The following MEIOC variants were observed in gnomAD, a reference collection of about 807,000 sequenced individuals.
MEIOC encodes the protein meiosis specific with coiled-coil domain.
In MEIOC, 9 loss-of-function variants were observed where a neutral mutation model predicts 85.3. That is an observed-to-expected ratio of 0.11 (90% CI 0.06 to 0.18). The LOEUF (loss-of-function observed/expected upper bound fraction) is 0.18. MEIOC is among the 10% of genes least tolerant of loss of function. The pLI is 1.00. For missense variants in MEIOC, 898 were observed against 1,129.4 expected (o/e 0.80, Z 2.94); for synonymous variants, 365 against 393.7 (o/e 0.93, Z 0.86).
rs1408881206 is a variant in MEIOC at position 44,656,605 on chromosome 17, G to C, written c.-9G>C. The C allele has an allele frequency of 6.8e-7, 1 of 1,472,400 alleles. No homozygotes were observed. The highest frequency in any genetic ancestry group is 1.5e-5 in the African/African-American group (1 of 68,078). 91.2% of individuals were successfully genotyped at this position (1,472,400 alleles called of 1,614,324 possible). On this transcript the variant is annotated 5_prime_UTR_variant, in exon 1 of 8. Transcript: ENST00000409122. Reference sequence around the variant, plus strand: ...TGTGCCTAGTCCAGGAGAGGCTGGGGGGCGCCCCATGGAGGTGAGACGCGG... The same window carrying C: ...TGTGCCTAGTCCAGGAGAGGCTGGGCGGCGCCCCATGGAGGTGAGACGCGG...
Position 44,665,427 on chromosome 17 carries a change from T to C in MEIOC, c.403T>C (p.Tyr135His), listed in dbSNP as rs1189389600. ...TGACTATGGCAGTGAAACAGACTTA[T>C]ATGGACTTGTGTCTAACATTTTGGA... ...RNDYGSETDL[Y>H]GLVSNILEEQ... Residue 135 changes from tyrosine to histidine, a missense_variant, in exon 4 of 8, where the codon TAT becomes CAT. Tyr to His is a moderately conservative substitution (Grantham distance 83). Coordinates refer to ENST00000409122, the MANE Select transcript of MEIOC (RefSeq NM_001145080.3). 2 of 1,546,272 alleles carry C rather than the reference T, an allele frequency of 1.3e-6. No individual in the cohort carries two copies. The highest frequency in any genetic ancestry group is 2.5e-5 in the East Asian group (1 of 40,686).
At position 44,675,288 on chromosome 17, in the gene MEIOC, A is replaced by G. The variant is rs1021150051; in HGVS notation, c.*1092A>G. On this transcript the variant is annotated 3_prime_UTR_variant, in exon 8 of 8. Transcript: ENST00000409122. Reference sequence around the variant, plus strand: ...ATTTTTTTAAAACTATTGAAAGCTTAACTTTTTCTGTTTCTCATCACTTAG... The same window carrying G: ...ATTTTTTTAAAACTATTGAAAGCTTGACTTTTTCTGTTTCTCATCACTTAG... 1.0e-6 allele frequency: 1 copy of G among 980,742 alleles called. No homozygotes were observed. The highest frequency in any genetic ancestry group is 1.8e-5 in the African/African-American group (1 of 57,136). 60.8% of individuals were successfully genotyped at this position (980,742 alleles called of 1,614,324 possible). A position where few individuals can be genotyped will look rare whatever the true frequency, so the allele number is the denominator to read the frequency against.
chr17:44,662,306 A>G lies in MEIOC; in HGVS notation c.205-11A>G. The G allele has an allele frequency of 6.5e-7, 1 of 1,528,908 alleles. No homozygotes were observed. The highest frequency in any genetic ancestry group is 8.8e-7 in the Non-Finnish European group (1 of 1,139,646). 94.7% of individuals were successfully genotyped at this position (1,528,908 alleles called of 1,614,324 possible). On this transcript the variant is annotated splice_polypyrimidine_tract_variant and intron_variant, in intron 2 of 7. Transcript: ENST00000409122. ...TTGATGTGTCTGATAAACATTTCTT[A>G]AAACTTTCAGAGTGAAGACAATGTA...
At chr17:44,668,305 G>A (rs1598728578) in intron 5 of MEIOC, 72 bp downstream of exon 5, 6 of 1,336,114 alleles carry the variant, frequency 4.5e-6, no homozygotes, top group Non-Finnish European at 5.1e-6. Context: ...TTACCTTAGT[G>A]TAGTGTAAGA....
Position 44,656,527 on chromosome 17 carries a change from G to T in MEIOC, c.-87G>T, listed in dbSNP as rs868795379. On this transcript the variant is annotated 5_prime_UTR_variant, in exon 1 of 8. Transcript: ENST00000409122. ...CGGCTGCGGAGACGGCGGGGTGCGGGCTGAGGGAGCCGGGCCTGGACGCCC... is the reference window on the plus strand; with the variant it reads ...CGGCTGCGGAGACGGCGGGGTGCGGTCTGAGGGAGCCGGGCCTGGACGCCC... 1.5e-4 allele frequency: 163 copies of T among 1,115,728 alleles called. No individual in the cohort carries two copies. In the Middle Eastern group the frequency reaches 3.5e-3, roughly 24 times the overall value. The allele number at this position is 1,115,728 out of a possible 1,614,324, so 69.1% of individuals were successfully genotyped here.
Position 44,667,906 on chromosome 17 carries a change from T to C in MEIOC, c.1995T>C (p.Phe665=), listed in dbSNP as rs907307566. The C allele has an allele frequency of 6.2e-7, 1 of 1,613,930 alleles. No homozygotes were observed. Among genetic ancestry groups the C allele is most frequent in the African/African-American group, 1.3e-5 (1 of 75,052 alleles). Residue 665 remains phenylalanine, a synonymous_variant, in exon 5 of 8, where the codon TTT becomes TTC. Transcript: ENST00000409122. ...TGAATCGCACACAAGTGTCATGCTT[T>C]TCTAATAATTATATGATGGGAGATT... ...SRVNRTQVSC[F]SNNYMMGDLR... is the part of the protein sequence containing the mutation.
intron 6 of MEIOC, chr17:44,669,900 T>C (rs1971976259): frequency 5.9e-6 from 1 of 168,740 alleles, no homozygotes; most frequent in Admixed American, 5.9e-5. Flanking sequence ...TTTTAGAGCT[T>C]TGAAGGGTTT....
At position 44,667,574 on chromosome 17, in the gene MEIOC, A is replaced by G; in HGVS notation, c.1663A>G (p.Arg555Gly). The change falls in exon 5 of 8, where the codon AGA (arginine) becomes GGA (glycine). Residue 555 changes from arginine to glycine, a missense_variant. Around this residue, in one of 2 missense-constraint regions of MEIOC, gnomAD observed 734 missense variants for 860.1 expected, o/e 0.85. Transcript: ENST00000409122. ...SFDFSYSGAE[R>G]IQSVNHIEGL... ...TGATTTTAGTTACAGTGGTGCAGAA[A>G]GAATCCAATCTGTCAATCACATAGA... is the stretch of plus-strand genomic sequence containing the variant. 1 of 1,613,916 alleles carries G rather than the reference A, an allele frequency of 6.2e-7. No individual in the cohort carries two copies. Among genetic ancestry groups the G allele is most frequent in the Non-Finnish European group, 8.5e-7 (1 of 1,179,854 alleles).
intron 2 of MEIOC, 23 bp from the exon 3 acceptor site, chr17:44,662,294 T>C (rs1971852342): frequency 6.6e-7 from 1 of 1,520,614 alleles, no homozygotes; most frequent in South Asian, 1.3e-5. Flanking sequence ...ATGTGTCTGA[T>C]AAACATTTCT....
Position 44,657,277 on chromosome 17 carries a change from C to G in MEIOC, c.204+16C>G. ...CACATCGCAGGTCCTTTAGTAAACTCTGCCTCTGTTAGACGATTTATTCTC... is the reference window on the plus strand; with the variant it reads ...CACATCGCAGGTCCTTTAGTAAACTGTGCCTCTGTTAGACGATTTATTCTC... On this transcript the variant is annotated intron_variant, in intron 2 of 7. Transcript: ENST00000409122. 6.5e-7 allele frequency: 1 copy of G among 1,548,204 alleles called. No homozygotes were observed. Among genetic ancestry groups the G allele is most frequent in the South Asian group, 1.2e-5 (1 of 83,878 alleles).
At chr17:44,656,822 G>T in intron 1 of MEIOC, 140 bp downstream of exon 1, 1 of 370,212 alleles carries the variant, frequency 2.7e-6, no homozygotes, top group Non-Finnish European at 4.5e-6. Context: ...CGGGGCGGGC[G>T]GGCGGGGGGC....
At chr17:44,673,316 TAA>T in intron 6 of MEIOC, 48 bp from the exon 7 acceptor site, 1 of 1,366,870 alleles carries the variant, frequency 7.3e-7, no homozygotes. Context: ...TGTTTTTACT[TAA>T]GTTAATGGCA....
intron 7 of MEIOC, 146 bp downstream of exon 7, chr17:44,673,692 C>G (rs1568136594): frequency 2.6e-6 from 2 of 781,286 alleles, no homozygotes; most frequent in East Asian, 5.4e-5. Flanking sequence ...ACATTATTTA[C>G]TCCAAAAGTA....
At chr17:44,669,673 A>G (rs1323680486) in intron 6 of MEIOC, 156 bp downstream of exon 6, 8 of 659,438 alleles carry the variant, frequency 1.2e-5, no homozygotes, top group South Asian at 5.9e-5. Context: ...CAGCCTGGCC[A>G]TTATGGTGAA....
At chr17:44,658,586 G>A (rs1259071645) in intron 2 of MEIOC, among the ~76,000 whole-genome samples, 3 of 151,680 alleles carry the variant, frequency 2.0e-5, no homozygotes, top group African/African-American at 7.3e-5. Flanking sequence ...CCTGAGTTCG[G>A]GAGTTCAAGA....
Position 44,674,727 on chromosome 17 carries a change from T to C in MEIOC, c.*531T>C, listed in dbSNP as rs969617101. ...ACCCAATATTCATGTACAAACTTAATATTTAAAATACTATACTACCATATT... is the reference window on the plus strand; with the variant it reads ...ACCCAATATTCATGTACAAACTTAACATTTAAAATACTATACTACCATATT... On this transcript the variant is annotated 3_prime_UTR_variant, in exon 8 of 8. Transcript: ENST00000409122. The C allele has an allele frequency of 1.4e-5, 14 of 979,910 alleles. No homozygotes were observed. In the African/African-American group the frequency reaches 2.3e-4, roughly 16 times the overall value. The allele number at this position is 979,910 out of a possible 1,614,324, so 60.7% of individuals were successfully genotyped here. A position where few individuals can be genotyped will look rare whatever the true frequency, so the allele number is the denominator to read the frequency against.
Position 44,667,074 on chromosome 17 carries a change from A to T in MEIOC, c.1163A>T (p.Asp388Val). 3.7e-6 allele frequency: 6 copies of T among 1,613,786 alleles called. No individual in the cohort carries two copies. The highest frequency in any genetic ancestry group is 5.1e-6 in the Non-Finnish European group (6 of 1,179,762). Reference sequence around the variant, plus strand: ...AAAAAAATGGAGGAGACAATCCCTGATCAGCAGAATTTCACATTTCCAAAA... The same window carrying T: ...AAAAAAATGGAGGAGACAATCCCTGTTCAGCAGAATTTCACATTTCCAAAA... ...NQKKMEETIP[D>V]QQNFTFPKTT... The change falls in exon 5 of 8, where the codon GAT (aspartate) becomes GTT (valine). Residue 388 changes from aspartate to valine, a missense_variant. Transcript: ENST00000409122.
In MEIOC at chr17:44,656,496, C is replaced by G; in HGVS notation, c.-118C>G. 1 of 810,696 alleles carries G rather than the reference C, an allele frequency of 1.2e-6. No individual in the cohort carries two copies. Among genetic ancestry groups the G allele is most frequent in the Non-Finnish European group, 1.8e-6 (1 of 568,620 alleles). 50.2% of individuals were successfully genotyped at this position (810,696 alleles called of 1,614,324 possible). A position where few individuals can be genotyped will look rare whatever the true frequency, so the allele number is the denominator to read the frequency against. ...CTGGCTCCAGGCAGCGCCCGGGCGGCGGAGGCGGCTGCGGAGACGGCGGGG... is the reference window on the plus strand; with the variant it reads ...CTGGCTCCAGGCAGCGCCCGGGCGGGGGAGGCGGCTGCGGAGACGGCGGGG... On this transcript the variant is annotated 5_prime_UTR_variant, in exon 1 of 8. Coordinates refer to ENST00000409122, the MANE Select transcript of MEIOC (RefSeq NM_001145080.3).
At chr17:44,673,598 A>G in intron 7 of MEIOC, 52 bp downstream of exon 7, 2 of 1,371,702 alleles carry the variant, frequency 1.5e-6, no homozygotes, top group South Asian at 1.5e-5. Flanking sequence ...TAATTTAGGT[A>G]TTGATAAAAT....
Sources: allele counts gnomAD v4.1 joint callset (sites outside exome capture counted in the v4.1 genomes callset), GRCh38; gene constraint gnomAD v4.1.1; regional missense constraint gnomAD v4.1.1; transcripts MANE v1.5; gene names NCBI Gene and HGNC (gene_info 2026-07-23, HGNC 2026-07-21).